The following PAH variants were observed in gnomAD, a reference collection of about 807,000 sequenced individuals.
The protein encoded by PAH is phenylalanine hydroxylase.
A neutral mutation model predicts 62.0 loss-of-function variants in PAH; 64 were observed. That is an observed-to-expected ratio of 1.03 (90% CI 0.84 to 1.27). The LOEUF (loss-of-function observed/expected upper bound fraction) is 1.27, where lower values mean the gene tolerates loss of function less well. Among genes scored for constraint, PAH ranks in the 50% most tolerant of loss-of-function variants. PAH has a pLI of 0.00. For synonymous variants in PAH, 195 were observed against 196.2 expected, an observed-to-expected ratio of 0.99 and a Z score of 0.05; for missense variants, 579 against 542.8, an observed-to-expected ratio of 1.07 and a Z score of -0.66.
At chr12:102,867,509 C>T (rs558205122) in intron 4 of PAH, among the ~76,000 whole-genome samples, 18 of 152,230 alleles carry the variant, frequency 1.2e-4, no homozygotes, top group Non-Finnish European at 2.1e-4. Flanking sequence ...TTTCCAAAAA[C>T]AGTTGATTGC....
chr12:102,901,361 A>G (rs2136710839), intron 2 of PAH, among the ~76,000 whole-genome samples: 1 of 152,322 alleles, frequency 6.6e-6, no homozygotes, highest in South Asian at 2.1e-4. Flanking sequence ...TAAAATAAAG[A>G]TAATTTTACC....
intron 4 of PAH, among the ~76,000 whole-genome samples, chr12:102,875,406 A>G (rs1876521375): frequency 6.6e-6 from 1 of 152,226 alleles, no homozygotes. Flanking sequence ...TGGGGCAGGA[A>G]GACAGGAGTT....
At chr12:102,876,296 A>G (rs1876561367) in intron 4 of PAH, among the ~76,000 whole-genome samples, 1 of 152,198 alleles carries the variant, frequency 6.6e-6, no homozygotes, top group African/African-American at 2.4e-5. Context: ...CCCCTGAAAT[A>G]GCTTGCCTTT....
At chr12:102,872,097 A>C (rs1876370500) in intron 4 of PAH, among the ~76,000 whole-genome samples, 1 of 151,814 alleles carries the variant, frequency 6.6e-6, no homozygotes, top group Non-Finnish European at 1.5e-5. Context: ...CTACTTATAA[A>C]GTTACAATCA....
intron 1 of PAH, among the ~76,000 whole-genome samples, chr12:102,940,687 C>A (rs1036345233): frequency 2.6e-5 from 4 of 152,206 alleles, no homozygotes; most frequent in African/African-American, 9.6e-5. Context: ...ACAGACCTAA[C>A]TTATGAGTCA....
Position 102,910,256 on chromosome 12 carries a change from G to C in PAH, c.168+2535C>G, listed in dbSNP as rs546007969. The stretch of plus-strand genomic sequence containing the variant: ...ACTGAGAAGATTGTAATTAATTCAG[G>C]GAAAGCTTGATAAAAGAGGTCTGAG... On this transcript the variant is annotated intron_variant, in intron 2 of 12. Coordinates refer to ENST00000553106, the MANE Select transcript of PAH (RefSeq NM_000277.3). Among the ~76,000 whole-genome samples, 813 of 152,242 alleles carry C rather than the reference G, an allele frequency of 5.3e-3. 6 individuals carry two copies. The highest frequency in any genetic ancestry group is 9.1e-3 in the Non-Finnish European group (616 of 68,030).
chr12:102,909,120 G>T (rs1878103226), intron 2 of PAH, among the ~76,000 whole-genome samples: 1 of 152,120 alleles, frequency 6.6e-6, no homozygotes, highest in Non-Finnish European at 1.5e-5. Flanking sequence ...GAGCCACCGT[G>T]CCTGGCCCTA....
chr12:102,855,278 G>T lies in PAH; in HGVS notation c.564C>A (p.Gly188=). ...AGGACTTCAGAGTCTTGAACACTGT[G>T]CCCCATGTTTTCTTTTCTTCCTCCA... ...EYMEEEKKTW[G]TVFKTLKSLY... The change falls in exon 6 of 13, where the codon GGC becomes GGA. Residue 188 remains glycine, a synonymous_variant. Coordinates refer to ENST00000553106, the MANE Select transcript of PAH (RefSeq NM_000277.3). The T allele has an allele frequency of 6.2e-7, 1 of 1,614,070 alleles. No individual in the cohort carries two copies. The highest frequency in any genetic ancestry group is 8.5e-7 in the Non-Finnish European group (1 of 1,179,948).
At chr12:102,952,315 GT>G (rs150220069), upstream of PAH, among the ~76,000 whole-genome samples, 3,514 of 150,190 alleles carry the variant, frequency 0.023, 75 homozygotes, top group African/African-American at 0.06. Flanking sequence ...TTTATTGTAA[GT>G]TTTTTTTTTC....
intron 4 of PAH, among the ~76,000 whole-genome samples, chr12:102,867,558 C>G (rs1191865760): frequency 6.6e-6 from 1 of 152,132 alleles, no homozygotes; most frequent in Non-Finnish European, 1.5e-5. Context: ...GATATCATTT[C>G]CGTAGAACTC....
At chr12:102,948,975 G>C (rs1331559808) in intron 1 of PAH, among the ~76,000 whole-genome samples, 1 of 152,092 alleles carries the variant, frequency 6.6e-6, no homozygotes, top group African/African-American at 2.4e-5. Flanking sequence ...AAGTAGTCCT[G>C]AATGAATCAA....
At chr12:102,920,658 C>T (rs1034929502), upstream of PAH, among the ~76,000 whole-genome samples, 2 of 152,186 alleles carry the variant, frequency 1.3e-5, no homozygotes, top group Non-Finnish European at 2.9e-5. Context: ...TCCCCAGAGG[C>T]AACTTCTCTA....
chr12:102,935,478 CT>C (rs1238336547), intron 1 of PAH, among the ~76,000 whole-genome samples: 1 of 152,040 alleles, frequency 6.6e-6, no homozygotes, highest in Non-Finnish European at 1.5e-5. Flanking sequence ...GGTATTATCT[CT>C]TCTTTAAATG....
intron 2 of PAH, among the ~76,000 whole-genome samples, chr12:102,908,035 C>G (rs1204979748): frequency 1.3e-5 from 2 of 151,820 alleles, no homozygotes; most frequent in African/African-American, 4.8e-5. Flanking sequence ...AAAAAAAAAT[C>G]AATACTCACT....
intron 2 of PAH, among the ~76,000 whole-genome samples, chr12:102,900,119 G>A (rs1877692793): frequency 1.4e-5 from 2 of 141,682 alleles, no homozygotes; most frequent in Non-Finnish European, 3.0e-5. Context: ...GCGTGATCTC[G>A]GCTCACTGCA....
chr12:102,955,432 G>A (rs929345936), upstream of PAH, among the ~76,000 whole-genome samples: 3 of 152,154 alleles, frequency 2.0e-5, no homozygotes, highest in South Asian at 2.1e-4. Context: ...GCTCAGACTC[G>A]GGACCTTTGT....
intron 2 of PAH, among the ~76,000 whole-genome samples, chr12:102,903,659 A>G (rs1877855923): frequency 6.6e-6 from 1 of 152,182 alleles, no homozygotes; most frequent in South Asian, 2.1e-4. Flanking sequence ...AGGTCTGTCT[A>G]CTGTAAAAAT....
intron 3 of PAH, among the ~76,000 whole-genome samples, chr12:102,879,391 C>G (rs1876722364): frequency 6.6e-6 from 1 of 151,408 alleles, no homozygotes; most frequent in African/African-American, 2.4e-5. Context: ...TGTGTGCTAT[C>G]TAGTGGCCAA....
At chr12:102,857,366 C>T (rs1270275408) in intron 5 of PAH, among the ~76,000 whole-genome samples, 2 of 152,126 alleles carry the variant, frequency 1.3e-5, no homozygotes, top group East Asian at 1.9e-4. Context: ...CTGAAAGTGA[C>T]GGGGAGAATG....
Sources: gnomAD v4.1 joint callset for allele counts (sites outside exome capture counted in the v4.1 genomes callset) on GRCh38, gnomAD v4.1.1 for gene constraint, MANE v1.5 for transcripts, NCBI Gene and HGNC (gene_info 2026-07-23, HGNC 2026-07-21) for gene names.